ASTN1: variants seen among roughly 807,000 people sequenced by gnomAD.
The protein encoded by ASTN1 is astrotactin 1.
Under a neutral mutation model 140.7 loss-of-function variants are expected in ASTN1, and 41 were observed. That is an observed-to-expected ratio of 0.29 (90% CI 0.23 to 0.38). The LOEUF is 0.38. Ranked by LOEUF, ASTN1 falls within the 10% of genes least tolerant of loss-of-function variation. The pLI is 1.00. For synonymous variants in ASTN1, 640 were observed against 652.2 expected (o/e 0.98, Z 0.29); for missense variants, 1,479 against 1,678.8 (o/e 0.88, Z 2.08).
intron 1 of ASTN1, among the ~76,000 whole-genome samples, chr1:177,153,254 G>C (rs1484185510): frequency 6.6e-6 from 1 of 152,030 alleles, no homozygotes; most frequent in Non-Finnish European, 1.5e-5. Flanking sequence ...TCTTTCTCTT[G>C]TGATGATATC....
At position 176,958,406 on chromosome 1, in the gene ASTN1, T is replaced by C; in HGVS notation, c.1675A>G (p.Ile559Val). 6.2e-7 allele frequency: 1 copy of C among 1,614,124 alleles called. No individual in the cohort carries two copies. Among genetic ancestry groups the C allele is most frequent in the Admixed American group, 1.7e-5 (1 of 60,014 alleles). The change falls in exon 10 of 23, where the codon ATC (isoleucine) becomes GTC (valine). Residue 559 changes from isoleucine (I) to valine (V), a missense_variant. Physicochemically the swap from Ile to Val is conservative, Grantham distance 29. Around this residue, in one of 3 missense-constraint regions of ASTN1, gnomAD observed 729 missense variants for 860.4 expected, o/e 0.85. Coordinates refer to ENST00000361833, the MANE Select transcript of ASTN1 (RefSeq NM_004319.3). Reference protein sequence around the residue: ...SFVIPPAELAINPSAKCKTDM... With the variant: ...SFVIPPAELAVNPSAKCKTDM... ...GTCTTGCACTTTGCTGATGGATTGATGGCCAGTTCGGCTGGTGGAATCACA... is the reference window on the plus strand; with the variant it reads ...GTCTTGCACTTTGCTGATGGATTGACGGCCAGTTCGGCTGGTGGAATCACA...
intron 7 of ASTN1, among the ~76,000 whole-genome samples, chr1:177,015,792 G>A (rs1434151718): frequency 1.3e-5 from 2 of 151,962 alleles, no homozygotes; most frequent in African/African-American, 2.4e-5. Context: ...ATTTACTACC[G>A]ATTTTGAAGA....
At chr1:177,033,544 T>G (rs1213792344) in intron 2 of ASTN1, among the ~76,000 whole-genome samples, 2 of 152,218 alleles carry the variant, frequency 1.3e-5, no homozygotes, top group Non-Finnish European at 2.9e-5. Context: ...TTGACAAATC[T>G]GAATAGAAAT....
chr1:176,943,092 G>C (rs544388282), intron 14 of ASTN1, among the ~76,000 whole-genome samples: 1 of 151,716 alleles, frequency 6.6e-6, no homozygotes, highest in South Asian at 2.1e-4. Flanking sequence ...ACAGAGAAAC[G>C]TACAAAGCAA....
At position 176,884,468 on chromosome 1, in the gene ASTN1, C is replaced by T. The variant is rs758252814; in HGVS notation, c.3097G>A (p.Glu1033Lys). ...AGGACCACAAGAGTGCTGCTGGGCTCGTGAACCGTGGAGAGTCTCAGCCTG... is the reference window on the plus strand; with the variant it reads ...AGGACCACAAGAGTGCTGCTGGGCTTGTGAACCGTGGAGAGTCTCAGCCTG... ...QPVLRLSTVH[E>K]PSSTLVVLEW... The change falls in exon 19 of 23, where the codon GAG becomes AAG. Residue 1033 changes from glutamate to lysine, a missense_variant. By Grantham distance (56) the Glu-to-Lys change is moderately conservative. This residue lies in a region of ASTN1 where 746 missense variants were observed against 800.9 expected (regional missense o/e 0.93). Coordinates refer to ENST00000361833, the MANE Select transcript of ASTN1 (RefSeq NM_004319.3). 3.1e-6 allele frequency: 5 copies of T among 1,613,366 alleles called. No individual in the cohort carries two copies. The highest frequency in any genetic ancestry group is 2.2e-5 in the South Asian group (2 of 91,038).
At chr1:177,122,617 C>T (rs1048470362) in intron 1 of ASTN1, among the ~76,000 whole-genome samples, 2 of 152,170 alleles carry the variant, frequency 1.3e-5, no homozygotes, top group Non-Finnish European at 2.9e-5. Flanking sequence ...GCGACAGTCC[C>T]GTCCTGGCAA....
chr1:176,990,121 C>T (rs1674089155), intron 8 of ASTN1, among the ~76,000 whole-genome samples: 1 of 150,766 alleles, frequency 6.6e-6, no homozygotes, highest in Admixed American at 6.7e-5. Context: ...AGGAGCATTG[C>T]TGAGGATGGG....
chr1:176,862,610 A>AGG lies in ASTN1; in HGVS notation c.*1673_*1674insCC. 4 of 979,554 alleles carry AGG rather than the reference A, an allele frequency of 4.1e-6. No homozygotes were observed. Among genetic ancestry groups the AGG allele is most frequent in the Non-Finnish European group, 3.6e-6 (3 of 824,650 alleles). 60.7% of individuals were successfully genotyped at this position (979,554 alleles called of 1,614,324 possible). Reference sequence around the variant, plus strand: ...AAGATCCTGTGCCCTGGAGACCAACAGCCTGAAATCACACTGAAACTCAGT... The same window carrying AGG: ...AAGATCCTGTGCCCTGGAGACCAACAGGGCCTGAAATCACACTGAAACTCAGT... On this transcript the variant is annotated 3_prime_UTR_variant, in exon 23 of 23. Transcript: ENST00000361833.
chr1:176,921,216 A>G (rs1398882841), intron 16 of ASTN1, among the ~76,000 whole-genome samples: 1 of 152,166 alleles, frequency 6.6e-6, no homozygotes, highest in Non-Finnish European at 1.5e-5. Flanking sequence ...TTTCTTATAT[A>G]TTTGTATTTT....
intron 16 of ASTN1, among the ~76,000 whole-genome samples, chr1:176,915,769 A>T (rs1475411177): frequency 1.3e-5 from 2 of 152,176 alleles, no homozygotes; most frequent in East Asian, 3.9e-4. Context: ...GAGGGAGGGC[A>T]CGATAAGGTC....
At position 176,958,285 on chromosome 1, in the gene ASTN1, G is replaced by T. The variant is rs569023142; in HGVS notation, c.1736+60C>A. The T allele has an allele frequency of 1.3e-4, 211 of 1,609,016 alleles. 1 individual carries two copies. In the South Asian group the frequency reaches 2.3e-3, roughly 17 times the overall value. ...CTTCCCCAGCACCTAAAACCTACAG[G>T]TAGTTTCTCATTCTGCTTCCCAAGC... On this transcript the variant is annotated intron_variant, in intron 10 of 22. Transcript: ENST00000361833.
In ASTN1 at chr1:176,862,656, G is replaced by A. The variant is rs1453491003; in HGVS notation, c.*1628C>T. 5 of 938,904 alleles carry A rather than the reference G, an allele frequency of 5.3e-6. No homozygotes were observed. The African/African-American group carries it at 7.1e-5, about 13-fold the overall frequency. The allele number at this position is 938,904 out of a possible 1,614,324, so 58.2% of individuals were successfully genotyped here. A position where few individuals can be genotyped will look rare whatever the true frequency, so the allele number is the denominator to read the frequency against. On this transcript the variant is annotated 3_prime_UTR_variant, in exon 23 of 23. Coordinates refer to ENST00000361833, the MANE Select transcript of ASTN1 (RefSeq NM_004319.3). ...TCAGTGTGAGTTACAGTGCACAAGG[G>A]ATTTGAGGCAAGTTGTATAACCTCT... is the stretch of plus-strand genomic sequence containing the variant.
intron 14 of ASTN1, among the ~76,000 whole-genome samples, chr1:176,937,090 T>A (rs1671483108): frequency 6.6e-6 from 1 of 152,194 alleles, no homozygotes; most frequent in African/African-American, 2.4e-5. Context: ...TGCTATAATA[T>A]CCCCATAGCA....
At chr1:177,163,947 C>A (rs58372053) in intron 1 of ASTN1, among the ~76,000 whole-genome samples, 23,504 of 152,036 alleles carry the variant, frequency 0.15, 3,673 homozygotes, top group African/African-American at 0.4. Context: ...ATACCTGTTT[C>A]TAAAGCCCCC....
chr1:177,158,903 C>CA (rs1331417526), intron 1 of ASTN1, among the ~76,000 whole-genome samples: 8,818 of 111,774 alleles, frequency 0.079, 399 homozygotes, highest in African/African-American at 0.14. Flanking sequence ...AATAAAAATA[C>CA]AAAAAAAAAA....
At chr1:177,007,121 G>A (rs1392533504) in intron 8 of ASTN1, among the ~76,000 whole-genome samples, 4 of 152,110 alleles carry the variant, frequency 2.6e-5, no homozygotes, top group Admixed American at 6.6e-5. Flanking sequence ...TGCCAGGTGC[G>A]GTGGTTCACG....
At chr1:177,057,456 T>A (rs1003897708) in intron 2 of ASTN1, among the ~76,000 whole-genome samples, 3 of 152,192 alleles carry the variant, frequency 2.0e-5, no homozygotes, top group African/African-American at 7.2e-5. Context: ...TAAACAGTGG[T>A]CTCTGCATTG....
At chr1:177,052,270 C>A (rs879581379) in intron 2 of ASTN1, among the ~76,000 whole-genome samples, 30 of 152,104 alleles carry the variant, frequency 2.0e-4, no homozygotes, top group Non-Finnish European at 3.4e-4. Flanking sequence ...CTGGGTCACA[C>A]ATTGTATGCA....
At chr1:177,141,678 C>T (rs1354314665) in intron 1 of ASTN1, among the ~76,000 whole-genome samples, 1 of 152,118 alleles carries the variant, frequency 6.6e-6, no homozygotes, top group Non-Finnish European at 1.5e-5. Flanking sequence ...ATACCTAAGC[C>T]ACAACTTCCA....
Sources: gnomAD v4.1 joint callset for allele counts (sites outside exome capture counted in the v4.1 genomes callset) on GRCh38, gnomAD v4.1.1 for gene constraint, gnomAD v4.1.1 regional missense constraint, MANE v1.5 for transcripts, NCBI Gene and HGNC (gene_info 2026-07-23, HGNC 2026-07-21) for gene names.